Variants in PSAP observed in about 807,000 individuals in gnomAD.
The protein encoded by PSAP is prosaposin, also known as precursor of saposins.
Under a neutral mutation model 66.0 loss-of-function variants are expected in PSAP, and 25 were observed. That is an observed-to-expected ratio of 0.38 (90% CI 0.28 to 0.53). The LOEUF (loss-of-function observed/expected upper bound fraction) is 0.53, where lower values mean the gene tolerates loss of function less well. PSAP is among the 20% of genes least tolerant of loss of function. The probability of loss-of-function intolerance (pLI) is 0.83; values close to 1 mark genes in which losing one functional copy is unlikely to be tolerated. For missense variants in PSAP, 649 were observed against 668.8 expected, an observed-to-expected ratio of 0.97 and a Z score of 0.33; for synonymous variants, 273 against 258.9, an observed-to-expected ratio of 1.05 and a Z score of -0.52.
intron 1 of PSAP, among the ~76,000 whole-genome samples, chr10:71,848,666 T>C (rs1441411579): frequency 6.6e-6 from 1 of 152,182 alleles, no homozygotes; most frequent in Non-Finnish European, 1.5e-5. Flanking sequence ...ACTACGACAG[T>C]GTCACGAAGA....
intron 2 of PSAP, 89 bp from the exon 3 acceptor site, chr10:71,832,009 C>A (rs1436616354): frequency 6.3e-6 from 8 of 1,274,244 alleles, no homozygotes; most frequent in Non-Finnish European, 9.1e-6. Flanking sequence ...TTTCGCTATT[C>A]TCTCTAACCA....
At chr10:71,835,646 GA>G (rs1175597844) in intron 1 of PSAP, among the ~76,000 whole-genome samples, 3 of 151,852 alleles carry the variant, frequency 2.0e-5, no homozygotes, top group African/African-American at 7.3e-5. Flanking sequence ...AAAAAATGGG[GA>G]AAAAAATCCT....
At chr10:71,851,057 A>G (rs1300602946) in intron 1 of PSAP, 125 bp downstream of exon 1, 3 of 1,072,112 alleles carry the variant, frequency 2.8e-6, no homozygotes, top group African/African-American at 3.2e-5. Context: ...GCGCCTGCGC[A>G]GTGCGCGCGC....
chr10:71,821,768 A>G, intron 8 of PSAP, 108 bp downstream of exon 8: 1 of 1,474,564 alleles, frequency 6.8e-7, no homozygotes, highest in Non-Finnish European at 9.4e-7. Flanking sequence ...TTTAGGAGCC[A>G]GGCAGGGAAC....
At chr10:71,850,630 A>G (rs1042450417) in intron 1 of PSAP, among the ~76,000 whole-genome samples, 13 of 152,234 alleles carry the variant, frequency 8.5e-5, no homozygotes, top group African/African-American at 2.2e-4. Flanking sequence ...AAATCTCAAA[A>G]TATTTTTACA....
chr10:71,842,005 TA>T (rs35837949), intron 1 of PSAP, among the ~76,000 whole-genome samples: 398 of 141,134 alleles, frequency 2.8e-3, no homozygotes, highest in Middle Eastern at 3.6e-3. Context: ...GACTCCGTCT[TA>T]AAAAAAAAAA....
chr10:71,844,516 G>A (rs894865846), intron 1 of PSAP, among the ~76,000 whole-genome samples: 1 of 151,980 alleles, frequency 6.6e-6, no homozygotes, highest in Non-Finnish European at 1.5e-5. Flanking sequence ...AAATACAAAC[G>A]TTAGCCAGGC....
At chr10:71,835,838 A>C (rs1430665440) in intron 1 of PSAP, among the ~76,000 whole-genome samples, 2 of 133,794 alleles carry the variant, frequency 1.5e-5, no homozygotes, top group African/African-American at 6.0e-5. Context: ...AAAAAAAAAA[A>C]ACAAAACACA....
At chr10:71,818,386 T>TA (rs199634201) in intron 13 of PSAP, among the ~76,000 whole-genome samples, 44 of 151,858 alleles carry the variant, frequency 2.9e-4, no homozygotes, top group African/African-American at 3.9e-4. Context: ...AAAAAAATAC[T>TA]AAAAAAAATA....
chr10:71,828,879 T>C lies in PSAP; in HGVS notation c.574A>G (p.Lys192Glu). ...CAGTGGCCAGCCCGTTGTCTTACCT[T>C]TGGCTGGGGCTTGCTGCGGGGGCCG... ...QDGPRSKPQPKDNGDVCQDCI... is the reference protein window; with the variant it reads ...QDGPRSKPQPEDNGDVCQDCI... The change falls in exon 5 of 14, where the codon AAG becomes GAG. Residue 192 changes from lysine to glutamate, a missense_variant and splice_region_variant. Lys to Glu is a moderately conservative substitution (Grantham distance 56). Coordinates refer to ENST00000394936, the MANE Select transcript of PSAP (RefSeq NM_002778.4). 6.2e-7 allele frequency: 1 copy of C among 1,613,972 alleles called. No individual in the cohort carries two copies. Among genetic ancestry groups the C allele is most frequent in the South Asian group, 1.1e-5 (1 of 91,060 alleles).
At chr10:71,818,143 AG>A (rs1484250406) in intron 13 of PSAP, among the ~76,000 whole-genome samples, 4 of 152,250 alleles carry the variant, frequency 2.6e-5, no homozygotes, top group Non-Finnish European at 1.5e-5. Context: ...GGTGGCTGCC[AG>A]GCCAGGCCAG....
At chr10:71,845,453 C>CTTTT (rs1191974130) in intron 1 of PSAP, among the ~76,000 whole-genome samples, 4 of 152,148 alleles carry the variant, frequency 2.6e-5, no homozygotes, top group African/African-American at 9.7e-5. Context: ...ACAAGCAAAA[C>CTTTT]AGTCAGTAGA....
At chr10:71,826,704 G>C (rs182652156) in intron 6 of PSAP, among the ~76,000 whole-genome samples, 1 of 150,112 alleles carries the variant, frequency 6.7e-6, no homozygotes, top group Non-Finnish European at 1.5e-5. Context: ...TTGTGCCACC[G>C]CACTCCAGCC....
intron 6 of PSAP, among the ~76,000 whole-genome samples, chr10:71,827,211 A>C (rs1842412509): frequency 6.6e-6 from 1 of 151,770 alleles, no homozygotes; most frequent in Admixed American, 6.6e-5. Context: ...CCTGGCTAAC[A>C]CAGTGAAACC....
chr10:71,820,639 G>A (rs992516944), intron 8 of PSAP, among the ~76,000 whole-genome samples: 4 of 151,160 alleles, frequency 2.6e-5, no homozygotes, highest in African/African-American at 2.4e-5. Context: ...TCCTGATGAT[G>A]TGTTCGGTTA....
intron 4 of PSAP, among the ~76,000 whole-genome samples, chr10:71,830,447 C>T (rs1842490202): frequency 6.6e-6 from 1 of 152,216 alleles, no homozygotes; most frequent in Admixed American, 6.5e-5. Context: ...TAGACCTAGA[C>T]CAAACCCTTT....
At chr10:71,826,604 G>A (rs1051303531) in intron 6 of PSAP, among the ~76,000 whole-genome samples, 13 of 152,188 alleles carry the variant, frequency 8.5e-5, no homozygotes, top group Admixed American at 2.6e-4. Flanking sequence ...TCAGCTGGGC[G>A]TGGTGGCTCA....
intron 1 of PSAP, among the ~76,000 whole-genome samples, chr10:71,850,183 T>A (rs183149122): frequency 5.4e-4 from 83 of 152,324 alleles, no homozygotes; most frequent in Non-Finnish European, 1.0e-3. Flanking sequence ...ATGTTTTCCT[T>A]CCTTCCTCTC....
intron 13 of PSAP, among the ~76,000 whole-genome samples, chr10:71,818,221 C>T (rs753657833): frequency 5.3e-5 from 8 of 152,172 alleles, no homozygotes; most frequent in African/African-American, 1.2e-4. Flanking sequence ...GACTCGGGCC[C>T]GGCTTCAGCA....
Sources: allele counts gnomAD v4.1 joint callset (sites outside exome capture counted in the v4.1 genomes callset), GRCh38; gene constraint gnomAD v4.1.1; transcripts MANE v1.5; gene names NCBI Gene and HGNC (gene_info 2026-07-23, HGNC 2026-07-21).